Variants in EIF2AK3 observed in about 807,000 individuals in gnomAD.
EIF2AK3 encodes eukaryotic translation initiation factor 2-alpha kinase 3.
A neutral mutation model predicts 113.5 loss-of-function variants in EIF2AK3; 50 were observed. The ratio of observed to expected loss-of-function variants is 0.44; its 90% CI spans 0.35 to 0.56. EIF2AK3 has a LOEUF of 0.56. Ranked by LOEUF, EIF2AK3 falls within the 20% of genes least tolerant of loss-of-function variation. The pLI is 0.00. For synonymous variants in EIF2AK3, 448 were observed against 495.4 expected, an observed-to-expected ratio of 0.90 and a Z score of 1.27; for missense variants, 1,185 against 1,378.0, an observed-to-expected ratio of 0.86 and a Z score of 2.22.
At chr2:88,617,060 T>C (rs965505931) in intron 1 of EIF2AK3, among the ~76,000 whole-genome samples, 2 of 152,216 alleles carry the variant, frequency 1.3e-5, no homozygotes, top group Non-Finnish European at 2.9e-5. Context: ...TTTGCTACTA[T>C]ACCTAATCAC....
intron 2 of EIF2AK3, among the ~76,000 whole-genome samples, chr2:88,598,082 T>TG (rs971502160): frequency 3.3e-5 from 5 of 152,292 alleles, no homozygotes; most frequent in African/African-American, 1.2e-4. Context: ...TGAGGGCCAC[T>TG]GGCCAAATCT....
intron 12 of EIF2AK3, among the ~76,000 whole-genome samples, 184 bp downstream of exon 12, chr2:88,576,370 C>A (rs186351600): frequency 6.6e-6 from 1 of 151,932 alleles, no homozygotes; most frequent in African/African-American, 2.4e-5. Flanking sequence ...ATGAGTCACC[C>A]GTGTATGTTC....
At chr2:88,558,880 G>A in intron 16 of EIF2AK3, 37 bp downstream of exon 16, 1 of 1,492,596 alleles carries the variant, frequency 6.7e-7, no homozygotes, top group Non-Finnish European at 9.3e-7. Flanking sequence ...TTCTAAAGAT[G>A]ATTCTAAAGA....
intron 1 of EIF2AK3, 26 bp downstream of exon 1, chr2:88,626,941 C>G: frequency 6.2e-7 from 1 of 1,605,602 alleles, no homozygotes; most frequent in Non-Finnish European, 8.5e-7. Flanking sequence ...AAACAAGTTG[C>G]CTCCCCCGGG....
intron 1 of EIF2AK3, among the ~76,000 whole-genome samples, chr2:88,620,885 T>C (rs1279671275): frequency 6.6e-5 from 10 of 152,234 alleles, no homozygotes; most frequent in Admixed American, 5.2e-4. Flanking sequence ...GGCCTAGCAG[T>C]ACCTGGGCCC....
At chr2:88,573,487 CT>C (rs900553200) in intron 13 of EIF2AK3, among the ~76,000 whole-genome samples, 12 of 152,150 alleles carry the variant, frequency 7.9e-5, no homozygotes, top group Non-Finnish European at 1.6e-4. Flanking sequence ...AACCTAACTG[CT>C]AGTATTCTCT....
intron 9 of EIF2AK3, 39 bp downstream of exon 9, chr2:88,585,802 G>T (rs746603538): frequency 6.3e-7 from 1 of 1,592,324 alleles, no homozygotes; most frequent in Non-Finnish European, 8.6e-7. Flanking sequence ...TAGGAGGTGG[G>T]GAAGTGGAAA....
chr2:88,617,618 G>A (rs571187043), intron 1 of EIF2AK3, among the ~76,000 whole-genome samples: 4 of 151,792 alleles, frequency 2.6e-5, no homozygotes, highest in African/African-American at 7.3e-5. Context: ...TTAGCCGGGC[G>A]TGGTGGTGCA....
intron 1 of EIF2AK3, among the ~76,000 whole-genome samples, chr2:88,625,729 A>G (rs1175495369): frequency 6.6e-6 from 1 of 152,024 alleles, no homozygotes; most frequent in Non-Finnish European, 1.5e-5. Flanking sequence ...AAACGTCTCA[A>G]CTCTACTTCA....
rs1439838259 is a variant in EIF2AK3, at chr2:88,593,485, T to C, written c.634-80A>G. ...TCAGAGATATTAAAGGAATCTGTAA[T>C]TTTTAAAAAGTGAAAGGAAACTAAG... On this transcript the variant is annotated intron_variant, in intron 3 of 16. Coordinates refer to ENST00000303236, the MANE Select transcript of EIF2AK3 (RefSeq NM_004836.7). 3 of 1,555,742 alleles carry C rather than the reference T, an allele frequency of 1.9e-6. No individual in the cohort carries two copies. The East Asian group carries it at 6.8e-5, about 35-fold the overall frequency.
chr2:88,588,531 G>A (rs530321999), intron 7 of EIF2AK3, among the ~76,000 whole-genome samples: 2 of 152,156 alleles, frequency 1.3e-5, no homozygotes, highest in Non-Finnish European at 2.9e-5. Flanking sequence ...AAGTTGTATA[G>A]AGAAATATTT....
chr2:88,584,919 G>A (rs1355455385), intron 9 of EIF2AK3, among the ~76,000 whole-genome samples: 2 of 152,092 alleles, frequency 1.3e-5, no homozygotes, highest in African/African-American at 2.4e-5. Flanking sequence ...GATGGGTCAC[G>A]TGCAGGCAGG....
chr2:88,586,244 AT>A (rs1674729873), intron 8 of EIF2AK3, among the ~76,000 whole-genome samples, 183 bp from the exon 9 acceptor site: 1 of 152,042 alleles, frequency 6.6e-6, no homozygotes, highest in African/African-American at 2.4e-5. Flanking sequence ...AAATATAGAC[AT>A]TTTCCTTTAT....
At chr2:88,571,066 G>A in intron 13 of EIF2AK3, 25 bp from the exon 14 acceptor site, 1 of 1,613,802 alleles carries the variant, frequency 6.2e-7, no homozygotes, top group Non-Finnish European at 8.5e-7. Flanking sequence ...ACAGACAAAA[G>A]TACAGTGGGT....
rs558089355 is a variant in EIF2AK3, at chr2:88,564,513, A to C, written c.2986-2123T>G. Among the ~76,000 whole-genome samples the C allele has an allele frequency of 1.5e-3, 222 of 152,258 alleles. 1 individual carries two copies. Among genetic ancestry groups the C allele is most frequent in the African/African-American group, 5.1e-3 (211 of 41,544 alleles). ...AATACGAAATATAGCTTCAGTTGTC[A>C]TCAACCTCTTCCTTTCTCAAATGGC... On this transcript the variant is annotated intron_variant, in intron 14 of 16. Transcript: ENST00000303236.
At chr2:88,600,367 G>C (rs993275678) in intron 2 of EIF2AK3, among the ~76,000 whole-genome samples, 1 of 151,976 alleles carries the variant, frequency 6.6e-6, no homozygotes, top group Non-Finnish European at 1.5e-5. Flanking sequence ...CAAATCTCTT[G>C]GTAGAAAAAA....
chr2:88,588,949 G>C, intron 6 of EIF2AK3, 48 bp from the exon 7 acceptor site: 2 of 1,598,134 alleles, frequency 1.3e-6, no homozygotes. Flanking sequence ...TTTTTAAAAA[G>C]GTTTTTTTAA....
chr2:88,570,858 GGT>G lies in EIF2AK3; in HGVS notation c.2985+14_2985+15del, dbSNP rs1334275239. The stretch of plus-strand genomic sequence containing the variant: ...ATCTGCTGCTGTGCTAGTAAGTAAA[GGT>G]CTGAAAAACTCACCTGCTCTGGGCT... On this transcript the variant is annotated intron_variant, in intron 14 of 16. Coordinates refer to ENST00000303236, the MANE Select transcript of EIF2AK3 (RefSeq NM_004836.7). The G allele has an allele frequency of 3.7e-6, 6 of 1,613,846 alleles. No individual in the cohort carries two copies. The highest frequency in any genetic ancestry group is 5.1e-6 in the Non-Finnish European group (6 of 1,179,878).
intron 8 of EIF2AK3, among the ~76,000 whole-genome samples, chr2:88,587,204 CAAAA>C (rs780050125): frequency 3.3e-5 from 1 of 30,276 alleles, no homozygotes; most frequent in African/African-American, 1.8e-4. Context: ...AACTCCATCT[CAAAA>C]AAAAAAAAAA....
Sources: gnomAD v4.1 joint callset for allele counts (sites outside exome capture counted in the v4.1 genomes callset) on GRCh38, gnomAD v4.1.1 for gene constraint, MANE v1.5 for transcripts, NCBI Gene and HGNC (gene_info 2026-07-23, HGNC 2026-07-21) for gene names.